CMYA5: variants seen among roughly 807,000 people sequenced by gnomAD.
CMYA5 encodes the protein cardiomyopathy-associated protein 5.
CMYA5 carries 246 observed loss-of-function variants against 318.9 expected under a neutral mutation model. The observed-to-expected ratio is 0.77, with a 90% CI of 0.70 to 0.86. The LOEUF is 0.86. Among genes scored for constraint, CMYA5 ranks in the 40% least tolerant of loss-of-function variants. The pLI is 0.00. For missense variants in CMYA5, 4,589 were observed against 4,678.2 expected (o/e 0.98, Z 0.56); for synonymous variants, 1,641 against 1,729.5 (o/e 0.95, Z 1.27).
intron 3 of CMYA5, among the ~76,000 whole-genome samples, chr5:79,744,486 CA>C (rs1828279820): frequency 6.6e-6 from 1 of 152,210 alleles, no homozygotes; most frequent in Non-Finnish European, 1.5e-5. Context: ...ATGGCCCAGG[CA>C]CCCTCACCAG....
At chr5:79,787,732 AG>A (rs1478235825) in intron 9 of CMYA5, among the ~76,000 whole-genome samples, 1 of 152,224 alleles carries the variant, frequency 6.6e-6, no homozygotes, top group Non-Finnish European at 1.5e-5. Flanking sequence ...CTGCCTTCTG[AG>A]GAGCACAACA....
intron 9 of CMYA5, among the ~76,000 whole-genome samples, chr5:79,775,922 A>G (rs1245164924): frequency 6.6e-6 from 1 of 152,206 alleles, no homozygotes; most frequent in Admixed American, 6.5e-5. Flanking sequence ...TCTGCCTGGA[A>G]TATAAATGAT....
chr5:79,735,969 A>G lies in CMYA5; in HGVS notation c.7204A>G (p.Lys2402Glu). 1 of 1,612,956 alleles carries G rather than the reference A, an allele frequency of 6.2e-7. No homozygotes were observed. The highest frequency in any genetic ancestry group is 8.5e-7 in the Non-Finnish European group (1 of 1,179,588). The change falls in exon 2 of 13, where the codon AAG becomes GAG. Residue 2402 changes from lysine to glutamate, a missense_variant. Physicochemically the swap from Lys to Glu is moderately conservative, Grantham distance 56. Coordinates refer to ENST00000446378, the MANE Select transcript of CMYA5 (RefSeq NM_153610.5). ...CAACTTTGCAAGTAAAAATATCACA[A>G]AGGAATCAGAGAAACCAGAGTCAAT... ...SSNFASKNITKESEKPESIIL... is the reference protein window; with the variant it reads ...SSNFASKNITEESEKPESIIL...
chr5:79,723,443 GA>G (rs35720490), intron 1 of CMYA5, among the ~76,000 whole-genome samples: 18,526 of 121,462 alleles, frequency 0.15, 1,300 homozygotes, highest in Middle Eastern at 0.24. Context: ...CATCTCAAAG[GA>G]AAAAAAAAAA....
At chr5:79,708,539 G>A (rs1827319185) in intron 1 of CMYA5, among the ~76,000 whole-genome samples, 1 of 151,844 alleles carries the variant, frequency 6.6e-6, no homozygotes, top group African/African-American at 2.4e-5. Flanking sequence ...GCGGGACAAT[G>A]GCGTGAACCC....
At chr5:79,714,152 C>G (rs954357092) in intron 1 of CMYA5, among the ~76,000 whole-genome samples, 1 of 152,134 alleles carries the variant, frequency 6.6e-6, no homozygotes, top group Non-Finnish European at 1.5e-5. Context: ...TACAGACTTG[C>G]AAAGGTGCCC....
chr5:79,733,931 C>T lies in CMYA5; in HGVS notation c.5166C>T (p.Ser1722=), dbSNP rs1337489410. 2 of 1,613,378 alleles carry T rather than the reference C, an allele frequency of 1.2e-6. No homozygotes were observed. Among genetic ancestry groups the T allele is most frequent in the East Asian group, 2.2e-5 (1 of 44,870 alleles). ...EIKPFSPKII[S]LESKEPPASV... ...AACCTTTCTCTCCCAAGATCATCAG[C>T]CTAGAGTCGAAAGAACCACCTGCCT... Residue 1722 remains serine, a synonymous_variant, in exon 2 of 13, where the codon AGC becomes AGT. Coordinates refer to ENST00000446378, the MANE Select transcript of CMYA5 (RefSeq NM_153610.5).
intron 1 of CMYA5, among the ~76,000 whole-genome samples, chr5:79,693,977 A>AG (rs1402629847): frequency 6.6e-6 from 1 of 152,220 alleles, no homozygotes; most frequent in Non-Finnish European, 1.5e-5. Context: ...CAGATACTGA[A>AG]GGAATGAGTT....
intron 11 of CMYA5, among the ~76,000 whole-genome samples, chr5:79,792,661 A>T (rs555996502): frequency 2.0e-5 from 3 of 152,320 alleles, no homozygotes; most frequent in South Asian, 4.1e-4. Context: ...ACTGAATATT[A>T]ACACTGCTTA....
chr5:79,729,120 G>A lies in CMYA5; in HGVS notation c.355G>A (p.Gly119Arg), dbSNP rs374435270. 1 of 1,613,252 alleles carries A rather than the reference G, an allele frequency of 6.2e-7. No homozygotes were observed. The highest frequency in any genetic ancestry group is 8.5e-7 in the Non-Finnish European group (1 of 1,179,630). The change falls in exon 2 of 13, where the codon GGA becomes AGA. Residue 119 changes from glycine to arginine, a missense_variant. This residue lies in a region of CMYA5 where 2,132 missense variants were observed against 2,131.3 expected (regional missense o/e 1.00). Coordinates refer to ENST00000446378, the MANE Select transcript of CMYA5 (RefSeq NM_153610.5). ...AGGGTCAACTGTGAATTCTCCTCCT[G>A]GAAATGTTTCCTTTATTGTGGATGA... ...REGSTVNSPP[G>R]NVSFIVDEVK...
chr5:79,745,295 A>G lies in CMYA5; in HGVS notation c.10808A>G (p.Tyr3603Cys), dbSNP rs778132061. 8 of 1,613,538 alleles carry G rather than the reference A, an allele frequency of 5.0e-6. No individual in the cohort carries two copies. Among genetic ancestry groups the G allele is most frequent in the Non-Finnish European group, 6.8e-6 (8 of 1,179,696 alleles). ...EEMMKKVLAQ[Y>C]DEKAQSFEEV... ...ATGATGAAGAAGGTTTTAGCACAGTATGATGAGAAAGCCCAGAGCTTTGAG... is the reference window on the plus strand; with the variant it reads ...ATGATGAAGAAGGTTTTAGCACAGTGTGATGAGAAAGCCCAGAGCTTTGAG... The change falls in exon 4 of 13, where the codon TAT (tyrosine) becomes TGT (cysteine). Residue 3603 changes from tyrosine (Y) to cysteine (C), a missense_variant. Physicochemically the swap from Tyr to Cys is radical, Grantham distance 194 (BLOSUM62 -2). Around this residue, in one of 3 missense-constraint regions of CMYA5, gnomAD observed 2,431 missense variants for 2,495.1 expected, o/e 0.97. Transcript: ENST00000446378.
chr5:79,696,948 A>G (rs557765913), intron 1 of CMYA5, among the ~76,000 whole-genome samples: 116 of 152,266 alleles, frequency 7.6e-4, no homozygotes, highest in African/African-American at 2.7e-3. Flanking sequence ...CGGAGGTTGC[A>G]GTGAGTTGAG....
In CMYA5 at chr5:79,741,069, G is replaced by A. The variant is rs72635620; in HGVS notation, c.10638+1666G>A. ...TTTATAATTTTTTTTGTACAGACAG[G>A]GTCTCCCTGTGCTGCCCAGGCTGCT... On this transcript the variant is annotated intron_variant, in intron 2 of 12. Coordinates refer to ENST00000446378, the MANE Select transcript of CMYA5 (RefSeq NM_153610.5). Among the ~76,000 whole-genome samples, 1,698 of 152,044 alleles carry A rather than the reference G, an allele frequency of 0.011. 81 individuals are homozygous for A. In the East Asian group the frequency reaches 0.16, roughly 14 times the overall value.
At chr5:79,691,988 T>C (rs1275893145) in intron 1 of CMYA5, among the ~76,000 whole-genome samples, 1 of 152,216 alleles carries the variant, frequency 6.6e-6, no homozygotes, top group Non-Finnish European at 1.5e-5. Context: ...AGTTAAGTTA[T>C]TCTCTTAAGA....
intron 7 of CMYA5, among the ~76,000 whole-genome samples, chr5:79,761,300 G>T (rs1028347145): frequency 2.6e-5 from 4 of 152,182 alleles, no homozygotes; most frequent in African/African-American, 9.7e-5. Context: ...CTAGTGGAAA[G>T]AATTCTGGAA....
At chr5:79,701,135 A>G (rs7716273) in intron 1 of CMYA5, among the ~76,000 whole-genome samples, 53,443 of 150,080 alleles carry the variant, frequency 0.36, 10,078 homozygotes, top group East Asian at 0.53. Flanking sequence ...GTGCATGCCT[A>G]TAGTCCCAGC....
At position 79,732,408 on chromosome 5, in the gene CMYA5, G is replaced by A. The variant is rs1827934948; in HGVS notation, c.3643G>A (p.Glu1215Lys). 4 of 1,613,736 alleles carry A rather than the reference G, an allele frequency of 2.5e-6. No homozygotes were observed. In the East Asian group the frequency reaches 8.9e-5, roughly 36 times the overall value. The change falls in exon 2 of 13, where the codon GAA becomes AAA. Residue 1215 changes from glutamate to lysine, a missense_variant. Glu to Lys is a moderately conservative substitution (Grantham distance 56). Transcript: ENST00000446378. ...RKEEIVPDSQ[E>K]ATAHVSQDQK... Reference sequence around the variant, plus strand: ...GGAAGAAATTGTGCCTGATTCTCAAGAAGCTACAGCACATGTATCACAGGA... The same window carrying A: ...GGAAGAAATTGTGCCTGATTCTCAAAAAGCTACAGCACATGTATCACAGGA...
intron 9 of CMYA5, among the ~76,000 whole-genome samples, chr5:79,771,843 A>T (rs390876): frequency 0.2 from 30,719 of 152,072 alleles, 3,247 homozygotes; most frequent in East Asian, 0.31. Context: ...TTAAGACTGC[A>T]GCCCTGAATA....
At chr5:79,796,168 G>A (rs1207752877) in intron 12 of CMYA5, among the ~76,000 whole-genome samples, 1 of 152,114 alleles carries the variant, frequency 6.6e-6, no homozygotes, top group African/African-American at 2.4e-5. Flanking sequence ...CAGGGGAGGA[G>A]AAATGACACA....
Sources: allele counts gnomAD v4.1 joint callset (sites outside exome capture counted in the v4.1 genomes callset), GRCh38; gene constraint gnomAD v4.1.1; regional missense constraint gnomAD v4.1.1; transcripts MANE v1.5; gene names NCBI Gene and HGNC (gene_info 2026-07-23, HGNC 2026-07-21).